The following MKLN1 variants were observed in gnomAD, a reference collection of about 807,000 sequenced individuals.
MKLN1 encodes the protein muskelin.
In MKLN1, 18 loss-of-function variants were observed where a neutral mutation model predicts 99.0. The observed-to-expected ratio is 0.18, with a 90% CI of 0.13 to 0.27. MKLN1 has a LOEUF of 0.27. Ranked by LOEUF, MKLN1 falls within the 10% of genes least tolerant of loss-of-function variation. The pLI is 1.00. For missense variants in MKLN1, 621 were observed against 875.9 expected (o/e 0.71, Z 3.67); for synonymous variants, 288 against 293.2 (o/e 0.98, Z 0.18).
Position 131,470,882 on chromosome 7 carries a change from A to G in MKLN1, c.1969A>G (p.Lys657Glu). Residue 657 changes from lysine to glutamate, a missense_variant, in exon 16 of 18, where the codon AAA becomes GAA. This residue lies in a region of MKLN1 where 126 missense variants were observed against 157.4 expected (regional missense o/e 0.80). Transcript: ENST00000352689. ...KAQVDPLSAL[K>E]YLQNDLYITV... ...CCAAGTGGATCCCCTTAGTGCTCTG[A>G]AATATTTACAAAATGATCTTTATAT... The G allele has an allele frequency of 6.2e-7, 1 of 1,613,306 alleles. No individual in the cohort carries two copies. The highest frequency in any genetic ancestry group is 8.5e-7 in the Non-Finnish European group (1 of 1,179,364).
At chr7:131,153,316 T>G (rs187107231) in intron 2 of MKLN1, among the ~76,000 whole-genome samples, 11 of 152,260 alleles carry the variant, frequency 7.2e-5, no homozygotes, top group Non-Finnish European at 1.3e-4. Flanking sequence ...TACATATTAT[T>G]TATTATTCTT....
chr7:131,472,617 TG>T (rs1796850240), intron 16 of MKLN1, among the ~76,000 whole-genome samples: 1 of 152,032 alleles, frequency 6.6e-6, no homozygotes, highest in African/African-American at 2.4e-5. Context: ...TGTGTGTGTG[TG>T]TGTGTGTTGG....
chr7:131,391,269 G>A (rs958406511), intron 4 of MKLN1, among the ~76,000 whole-genome samples: 4 of 152,026 alleles, frequency 2.6e-5, no homozygotes, highest in African/African-American at 4.8e-5. Context: ...AAAAGCCTTT[G>A]AGTATTTTAC....
intron 9 of MKLN1, among the ~76,000 whole-genome samples, chr7:131,433,483 T>TG (rs200846394): frequency 0.016 from 2,468 of 152,270 alleles, 45 homozygotes; most frequent in African/African-American, 0.054. Flanking sequence ...AAATATGCCA[T>TG]TACTCATCAA....
At chr7:131,121,115 C>T (rs1392686831) in intron 1 of MKLN1, among the ~76,000 whole-genome samples, 3 of 152,112 alleles carry the variant, frequency 2.0e-5, no homozygotes, top group Non-Finnish European at 4.4e-5. Flanking sequence ...GGGAAGCAAA[C>T]GCATCTTCAC....
At chr7:131,379,604 G>A (rs920049417) in intron 2 of MKLN1, among the ~76,000 whole-genome samples, 1 of 152,122 alleles carries the variant, frequency 6.6e-6, no homozygotes, top group African/African-American at 2.4e-5. Context: ...TTGAAAATAA[G>A]GTAGTAAAGA....
At chr7:131,126,560 A>AT (rs1186985385) in intron 1 of MKLN1, among the ~76,000 whole-genome samples, 2 of 151,320 alleles carry the variant, frequency 1.3e-5, no homozygotes, top group Non-Finnish European at 3.0e-5. Context: ...TACCATATAT[A>AT]TTTTTTTTTC....
intron 3 of MKLN1, among the ~76,000 whole-genome samples, chr7:131,232,786 T>C (rs986650406): frequency 2.0e-5 from 3 of 151,950 alleles, no homozygotes; most frequent in Non-Finnish European, 4.4e-5. Flanking sequence ...GAGGTTGAGA[T>C]TGAAGTGAGC....
At chr7:131,183,490 A>T (rs1796404426) in intron 2 of MKLN1, among the ~76,000 whole-genome samples, 1 of 152,180 alleles carries the variant, frequency 6.6e-6, no homozygotes, top group African/African-American at 2.4e-5. Context: ...GGAAGGCGTA[A>T]ATCTTGCCCT....
At chr7:131,274,381 G>A (rs755896739) in intron 3 of MKLN1, among the ~76,000 whole-genome samples, 10 of 152,026 alleles carry the variant, frequency 6.6e-5, no homozygotes, top group Non-Finnish European at 1.3e-4. Flanking sequence ...GGTGGCTCAC[G>A]CCTGTAATCC....
chr7:131,186,669 T>A (rs1221739867), intron 2 of MKLN1, among the ~76,000 whole-genome samples: 1 of 152,216 alleles, frequency 6.6e-6, no homozygotes, highest in Non-Finnish European at 1.5e-5. Flanking sequence ...TGCAAAGTAC[T>A]CAATAAATGT....
intron 3 of MKLN1, among the ~76,000 whole-genome samples, chr7:131,273,119 C>T (rs1055684432): frequency 6.6e-6 from 1 of 152,210 alleles, no homozygotes; most frequent in Admixed American, 6.5e-5. Flanking sequence ...CAAGATCACC[C>T]AGCTAGAACT....
In MKLN1 at chr7:131,438,122, A is replaced by T; in HGVS notation, c.1173+125A>T. 4 of 723,080 alleles carry T rather than the reference A, an allele frequency of 5.5e-6. No individual in the cohort carries two copies. In the South Asian group the frequency reaches 7.1e-5, roughly 13 times the overall value. The allele number at this position is 723,080 out of a possible 1,614,324, so 44.8% of individuals were successfully genotyped here. A position where few individuals can be genotyped will look rare whatever the true frequency, so the allele number is the denominator to read the frequency against. ...CTTTCCATGACAAATATCTATTGAC[A>T]GTAATAATTGTTGTTTCAGTAGGTA... is the stretch of plus-strand genomic sequence containing the variant. On this transcript the variant is annotated intron_variant, in intron 10 of 17. Transcript: ENST00000352689.
chr7:131,153,359 A>C (rs1004213723), intron 2 of MKLN1, among the ~76,000 whole-genome samples: 3 of 152,096 alleles, frequency 2.0e-5, no homozygotes, highest in Admixed American at 6.6e-5. Context: ...TTGGTCTGTG[A>C]TAGCATCTTC....
At chr7:131,167,912 C>G (rs1259688185) in intron 2 of MKLN1, among the ~76,000 whole-genome samples, 2 of 152,086 alleles carry the variant, frequency 1.3e-5, no homozygotes, top group Non-Finnish European at 2.9e-5. Flanking sequence ...CTTAAAATAA[C>G]AGGATCCACA....
intron 3 of MKLN1, among the ~76,000 whole-genome samples, chr7:131,299,361 GAACTACA>G (rs961982385): frequency 2.6e-5 from 4 of 152,034 alleles, no homozygotes; most frequent in Non-Finnish European, 5.9e-5. Context: ...GAAGGTCAAT[GAACTACA>G]TGAAAAAAGG....
intron 3 of MKLN1, among the ~76,000 whole-genome samples, chr7:131,273,178 C>G (rs781131492): frequency 9.2e-5 from 14 of 152,148 alleles, no homozygotes; most frequent in Admixed American, 3.3e-4. Flanking sequence ...AGTCCTACAG[C>G]CTTGCTCTTT....
Position 131,489,644 on chromosome 7 carries a change from G to T in MKLN1, c.*1916G>T, listed in dbSNP as rs921279668. ...CTAGTTTTGCTTAGTGTGAATTCTGGCACTTTAAAAAGATTAAGCAAGTGA... is the reference window on the plus strand; with the variant it reads ...CTAGTTTTGCTTAGTGTGAATTCTGTCACTTTAAAAAGATTAAGCAAGTGA... On this transcript the variant is annotated 3_prime_UTR_variant, in exon 18 of 18. Transcript: ENST00000352689. 6.6e-6 allele frequency: 1 copy of T among 152,030 alleles called. No homozygotes were observed. The highest frequency in any genetic ancestry group is 2.4e-5 in the African/African-American group (1 of 41,384). The allele number at this position is 152,030 out of a possible 1,614,324, so 9.4% of individuals were successfully genotyped here.
At chr7:131,215,061 A>G (rs555543147) in intron 3 of MKLN1, among the ~76,000 whole-genome samples, 14 of 152,300 alleles carry the variant, frequency 9.2e-5, no homozygotes, top group African/African-American at 2.2e-4. Flanking sequence ...ACCAATCAGC[A>G]TACAAGACAG....
Sources: gnomAD v4.1 joint callset for allele counts (sites outside exome capture counted in the v4.1 genomes callset) on GRCh38, gnomAD v4.1.1 for gene constraint, gnomAD v4.1.1 regional missense constraint, MANE v1.5 for transcripts, NCBI Gene and HGNC (gene_info 2026-07-23, HGNC 2026-07-21) for gene names.